The following ZIM3 variants were observed in gnomAD, a reference collection of about 807,000 sequenced individuals.
The protein encoded by ZIM3 is zinc finger imprinted 3.
Under a neutral mutation model 12.9 loss-of-function variants are expected in ZIM3, and 11 were observed. That is an observed-to-expected ratio of 0.85 (90% CI 0.54 to 1.41). The LOEUF (loss-of-function observed/expected upper bound fraction) is 1.41, where lower values mean the gene tolerates loss of function less well. Among genes scored for constraint, ZIM3 ranks in the 40% most tolerant of loss-of-function variants. The pLI is 0.00. For missense variants in ZIM3, 604 were observed against 557.2 expected (o/e 1.08, Z -0.85); for synonymous variants, 205 against 198.5 (o/e 1.03, Z -0.28).
rs773822430 is a variant in ZIM3, at chr19:57,142,694, A to G, written c.-42-9T>C. Reference sequence around the variant, plus strand: ...GTCTTGGGAAGGCAGATCTGAGGGAAAATGGAAAAGAACCATGAAATAGCA... The same window carrying G: ...GTCTTGGGAAGGCAGATCTGAGGGAGAATGGAAAAGAACCATGAAATAGCA... On this transcript the variant is annotated splice_polypyrimidine_tract_variant and intron_variant, in intron 1 of 4. Coordinates refer to ENST00000269834, the MANE Select transcript of ZIM3 (RefSeq NM_052882.1). 1 of 1,605,204 alleles carries G rather than the reference A, an allele frequency of 6.2e-7. No individual in the cohort carries two copies. The highest frequency in any genetic ancestry group is 8.5e-7 in the Non-Finnish European group (1 of 1,173,502).
At chr19:57,139,363 A>AAAAGT (rs1247915801) in intron 2 of ZIM3, among the ~76,000 whole-genome samples, 1 of 151,984 alleles carries the variant, frequency 6.6e-6, no homozygotes, top group East Asian at 1.9e-4. Flanking sequence ...AAAAGAAAAG[A>AAAAGT]AAATGTTATT....
rs1208291509 is a variant in ZIM3 at position 57,136,049 on chromosome 19, C to T, written c.288G>A (p.Val96=). 6.2e-7 allele frequency: 1 copy of T among 1,613,926 alleles called. No homozygotes were observed. ...GGACTTCTCTTGCGAGACTCTCTTT[C>T]ACATCCTTTGGCTTCCAAATCTGCC... ...IGGQIWKPKD[V]KESLAREVPS... is the part of the protein sequence containing the mutation. Residue 96 remains valine (V), a synonymous_variant, in exon 5 of 5, where the codon GTG becomes GTA. Coordinates refer to ENST00000269834, the MANE Select transcript of ZIM3 (RefSeq NM_052882.1).
intron 1 of ZIM3, among the ~76,000 whole-genome samples, chr19:57,144,449 C>CA (rs2086928490): frequency 6.7e-6 from 1 of 149,714 alleles, no homozygotes; most frequent in Middle Eastern, 3.4e-3. Context: ...AATTCTAGCA[C>CA]AAAAAATATA....
At position 57,138,919 on chromosome 19, in the gene ZIM3, G is replaced by C. The variant is rs561680545; in HGVS notation, c.16-321C>G. ...TTAGAGTAAGGCAGAGGCCGAGTATGGTGGCTCACACCTATCATCCCAACA... is the reference window on the plus strand; with the variant it reads ...TTAGAGTAAGGCAGAGGCCGAGTATCGTGGCTCACACCTATCATCCCAACA... On this transcript the variant is annotated intron_variant, in intron 2 of 4. Transcript: ENST00000269834. 2.0e-5 allele frequency among the ~76,000 whole-genome samples: 3 copies of C among 152,320 alleles called. No homozygotes were observed. The South Asian group carries it at 6.2e-4, about 32-fold the overall frequency.
chr19:57,136,059 G>A lies in ZIM3; in HGVS notation c.278C>T (p.Pro93Leu), dbSNP rs769200498. Reference sequence around the variant, plus strand: ...TGCGAGACTCTCTTTCACATCCTTTGGCTTCCAAATCTGCCCTCCAATGTC... The same window carrying A: ...TGCGAGACTCTCTTTCACATCCTTTAGCTTCCAAATCTGCCCTCCAATGTC... The part of the protein sequence containing the change: ...NGDIGGQIWK[P>L]KDVKESLARE... The change falls in exon 5 of 5, where the codon CCA becomes CTA. Residue 93 changes from proline (P) to leucine (L), a missense_variant. Transcript: ENST00000269834. 3.1e-6 allele frequency: 5 copies of A among 1,612,876 alleles called. No individual in the cohort carries two copies. In the African/African-American group the frequency reaches 6.7e-5, roughly 22 times the overall value.
At chr19:57,141,398 C>CAAAAAAAAAAAAAAAAAAAAAAAAAAAAA (rs66633580) in intron 2 of ZIM3, among the ~76,000 whole-genome samples, 1 of 105,470 alleles carries the variant, frequency 9.5e-6, no homozygotes, top group Non-Finnish European at 1.9e-5. Flanking sequence ...GAGACTGTCT[C>CAAAAAAAAAAAAAAAAAAAAAAAAAAAAA]AAAAAAAAAA....
chr19:57,142,629 C>T lies in ZIM3; in HGVS notation c.15G>A (p.Gln5=). The change falls in exon 2 of 5, where the codon CAG becomes CAA. Residue 5 remains glutamine, a splice_region_variant and synonymous_variant. Coordinates refer to ENST00000269834, the MANE Select transcript of ZIM3 (RefSeq NM_052882.1). The part of the protein sequence containing the change: MNNS[Q]GRVTFEDVTV... Reference sequence around the variant, plus strand: ...ATTTAGATTTTTTTGAAAAGCTCACCTGGGAATTGTTCATTTCCTGTTCTT... The same window carrying T: ...ATTTAGATTTTTTTGAAAAGCTCACTTGGGAATTGTTCATTTCCTGTTCTT... 2 of 1,613,690 alleles carry T rather than the reference C, an allele frequency of 1.2e-6. No individual in the cohort carries two copies. Among genetic ancestry groups the T allele is most frequent in the Non-Finnish European group, 1.7e-6 (2 of 1,179,750 alleles).
rs1448987518 is a variant in ZIM3, at chr19:57,136,941, A to G, written c.173T>C (p.Ile58Thr). 2 of 1,614,042 alleles carry G rather than the reference A, an allele frequency of 1.2e-6. No homozygotes were observed. Among genetic ancestry groups the G allele is most frequent in the African/African-American group, 1.3e-5 (1 of 74,926 alleles). Reference protein sequence around the residue: ...GQGETTKPDVILRLEQGKEPW... With the variant: ...GQGETTKPDVTLRLEQGKEPW... ...CTCCTTTCCTTGTTCCAACCTCAAG[A>G]TCACATCGGGTTTGGTGGTTTCCCC... Residue 58 changes from isoleucine (I) to threonine (T), a missense_variant, in exon 4 of 5, where the codon ATC becomes ACC. Coordinates refer to ENST00000269834, the MANE Select transcript of ZIM3 (RefSeq NM_052882.1).
chr19:57,139,519 A>G (rs190898659), intron 2 of ZIM3, among the ~76,000 whole-genome samples: 64 of 152,082 alleles, frequency 4.2e-4, no homozygotes, highest in African/African-American at 1.4e-3. Flanking sequence ...CGGGGTCAGG[A>G]GTTCGAGACC....
Position 57,137,029 on chromosome 19 carries a change from A to C in ZIM3, c.143-58T>G, listed in dbSNP as rs566600782. ...TGTGGATGTGTGAGTTGTTTGTGCA[A>C]GTGTATGAGTGTATATAAGCGCTTG... is the stretch of plus-strand genomic sequence containing the variant. On this transcript the variant is annotated intron_variant, in intron 3 of 4. Transcript: ENST00000269834. 216 of 1,514,054 alleles carry C rather than the reference A, an allele frequency of 1.4e-4. 1 individual carries two copies. Among genetic ancestry groups the C allele is most frequent in the Non-Finnish European group, 1.8e-4 (196 of 1,088,844 alleles). The allele number at this position is 1,514,054 out of a possible 1,614,324, so 93.8% of individuals were successfully genotyped here. A position where few individuals can be genotyped will look rare whatever the true frequency, so the allele number is the denominator to read the frequency against.
intron 2 of ZIM3, among the ~76,000 whole-genome samples, chr19:57,140,219 C>T (rs1329857678): frequency 6.6e-6 from 1 of 152,096 alleles, no homozygotes; most frequent in Non-Finnish European, 1.5e-5. Context: ...TCTGGTAGCC[C>T]AGGCTGGAGT....
At chr19:57,141,475 T>G (rs2086913840) in intron 2 of ZIM3, among the ~76,000 whole-genome samples, 1 of 151,636 alleles carries the variant, frequency 6.6e-6, no homozygotes, top group African/African-American at 2.4e-5. Flanking sequence ...CATAGACAGT[T>G]GTGGGTTTTT....
intron 4 of ZIM3, 124 bp downstream of exon 4, chr19:57,136,749 T>C: frequency 3.0e-6 from 2 of 671,122 alleles, no homozygotes; most frequent in South Asian, 4.1e-5. Flanking sequence ...TGGAGAAAAA[T>C]ACCTGGAGAT....
In ZIM3 at chr19:57,138,482, A is replaced by G; in HGVS notation, c.132T>C (p.Leu44=). 2.5e-6 allele frequency: 4 copies of G among 1,614,128 alleles called. No homozygotes were observed. The highest frequency in any genetic ancestry group is 3.4e-6 in the Non-Finnish European group (4 of 1,180,018). The change falls in exon 3 of 5, where the codon CTT becomes CTC. Residue 44 remains leucine, a synonymous_variant. Transcript: ENST00000269834. The stretch of plus-strand genomic sequence containing the variant: ...GGAAGCCGTCCTTACCCACAGAGAC[A>G]AGGTTGCTGTAATTCTCCAGCATCA... ...RDVMLENYSN[L]VSVGQGETTK...
rs1478982434 is a variant in ZIM3 at position 57,135,684 on chromosome 19, G to A, written c.653C>T (p.Ala218Val). Residue 218 changes from alanine (A) to valine (V), a missense_variant, in exon 5 of 5, where the codon GCA (alanine) becomes GTA (valine). Coordinates refer to ENST00000269834, the MANE Select transcript of ZIM3 (RefSeq NM_052882.1). ...WKLDKHQKTH[A>V]EERPYKCENC... is the part of the protein sequence containing the mutation. ...CTCACATTTATAGGGCCTTTCCTCT[G>A]CGTGAGTTTTCTGATGTTTATCAAG... 2 of 1,613,150 alleles carry A rather than the reference G, an allele frequency of 1.2e-6. No homozygotes were observed. Among genetic ancestry groups the A allele is most frequent in the Non-Finnish European group, 1.7e-6 (2 of 1,179,502 alleles).
intron 2 of ZIM3, among the ~76,000 whole-genome samples, chr19:57,141,121 G>A (rs1443898692): frequency 2.6e-5 from 4 of 152,114 alleles, no homozygotes; most frequent in Non-Finnish European, 4.4e-5. Flanking sequence ...GAGGCTGGGC[G>A]TGGTGGCTCA....
In ZIM3 at chr19:57,145,194, C is replaced by T. The variant is rs1302833099; in HGVS notation, c.-378G>A. 1 of 152,094 alleles carries T rather than the reference C, an allele frequency of 6.6e-6. No individual in the cohort carries two copies. Among genetic ancestry groups the T allele is most frequent in the Admixed American group, 6.6e-5 (1 of 15,248 alleles). 9.4% of individuals were successfully genotyped at this position (152,094 alleles called of 1,614,324 possible). ...ATTTTCAAATCTGCCCAATCAGTTT[C>T]CAATGGAATTTTTTTTAAGTTCATG... On this transcript the variant is annotated 5_prime_UTR_variant, in exon 1 of 5. Transcript: ENST00000269834.
chr19:57,140,958 T>C (rs2086910886), intron 2 of ZIM3, among the ~76,000 whole-genome samples: 1 of 152,196 alleles, frequency 6.6e-6, no homozygotes, highest in African/African-American at 2.4e-5. Flanking sequence ...ACAGAATTTG[T>C]TTCAAATACA....
intron 2 of ZIM3, among the ~76,000 whole-genome samples, chr19:57,141,026 G>A (rs1442017281): frequency 6.6e-6 from 1 of 152,144 alleles, no homozygotes; most frequent in Admixed American, 6.6e-5. Context: ...TAAAAAATAG[G>A]TTGGGGTGAA....
Sources: allele counts gnomAD v4.1 joint callset (sites outside exome capture counted in the v4.1 genomes callset), GRCh38; gene constraint gnomAD v4.1.1; transcripts MANE v1.5; gene names NCBI Gene and HGNC (gene_info 2026-07-23, HGNC 2026-07-21).